CDH7: variants seen among roughly 807,000 people sequenced by gnomAD.
CDH7 encodes the protein cadherin 7.
A neutral mutation model predicts 71.8 loss-of-function variants in CDH7; 25 were observed. The ratio of observed to expected loss-of-function variants is 0.35; its 90% confidence interval spans 0.25 to 0.49. CDH7 has a LOEUF of 0.49. Among genes scored for constraint, CDH7 ranks in the 20% least tolerant of loss-of-function variants. The probability of loss-of-function intolerance (pLI) is 0.99; values close to 1 mark genes in which losing one functional copy is unlikely to be tolerated. For missense variants in CDH7, 862 were observed against 974.6 expected (o/e 0.88, Z 1.54); for synonymous variants, 381 against 363.8 (o/e 1.05, Z -0.54).
chr18:65,782,968 G>T (rs997388798), intron 2 of CDH7, among the ~76,000 whole-genome samples: 1 of 152,116 alleles, frequency 6.6e-6, no homozygotes, highest in African/African-American at 2.4e-5. Context: ...AAAACAGACT[G>T]CAAAAAGGAT....
intron 6 of CDH7, among the ~76,000 whole-genome samples, chr18:65,838,924 A>ATCC (rs1206323201): frequency 6.6e-6 from 1 of 152,216 alleles, no homozygotes. Context: ...TCTAGCAGGA[A>ATCC]ATAATGCTTC....
chr18:65,767,251 A>G lies in CDH7; in HGVS notation c.210+4199A>G, dbSNP rs1161662448. ...TTGGAAGCATTGGTGAGCATTTTCA[A>G]TGCATTTAATTATACCTCAGCAGTA... On this transcript the variant is annotated intron_variant, in intron 2 of 11. Coordinates refer to ENST00000397968, the MANE Select transcript of CDH7 (RefSeq NM_004361.5). Among the ~76,000 whole-genome samples the G allele has an allele frequency of 2.0e-5, 3 of 152,140 alleles. No homozygotes were observed. The East Asian group carries it at 5.8e-4, about 29-fold the overall frequency.
intron 6 of CDH7, among the ~76,000 whole-genome samples, chr18:65,838,997 G>C (rs1912632206): frequency 6.6e-6 from 1 of 152,136 alleles, no homozygotes; most frequent in Non-Finnish European, 1.5e-5. Flanking sequence ...GTCAGTCACT[G>C]TTCTAGGTGC....
chr18:65,761,991 A>C lies in CDH7; in HGVS notation c.-196-656A>C, dbSNP rs1916204207. ...GTAAAATAGCAAATAACCGCAATGCAATAGCATAACCTAACATGCTACACA... is the reference window on the plus strand; with the variant it reads ...GTAAAATAGCAAATAACCGCAATGCCATAGCATAACCTAACATGCTACACA... On this transcript the variant is annotated intron_variant, in intron 1 of 11. Transcript: ENST00000397968. Among the ~76,000 whole-genome samples, 4 of 152,342 alleles carry C rather than the reference A, an allele frequency of 2.6e-5. No homozygotes were observed. The South Asian group carries it at 6.2e-4, about 24-fold the overall frequency.
chr18:65,814,498 A>G lies in CDH7; in HGVS notation c.519A>G (p.Val173=). ...PEMSPVGTSV[V]QVTATDADDP... Reference sequence around the variant, plus strand: ...ATTGGCATCTAGGGACCTCAGTGGTACAAGTGACAGCGACGGATGCTGATG... The same window carrying G: ...ATTGGCATCTAGGGACCTCAGTGGTGCAAGTGACAGCGACGGATGCTGATG... The change falls in exon 4 of 12, where the codon GTA becomes GTG. Residue 173 remains valine (V), a synonymous_variant. Transcript: ENST00000397968. 6.2e-7 allele frequency: 1 copy of G among 1,614,012 alleles called. No individual in the cohort carries two copies. The highest frequency in any genetic ancestry group is 1.1e-5 in the South Asian group (1 of 91,076).
chr18:65,794,814 A>G (rs890394585), intron 2 of CDH7, among the ~76,000 whole-genome samples: 2 of 152,066 alleles, frequency 1.3e-5, no homozygotes, highest in African/African-American at 4.8e-5. Flanking sequence ...CTGTGAAATT[A>G]TTGTGTAAAC....
At chr18:65,860,814 C>T (rs1913538024) in intron 10 of CDH7, among the ~76,000 whole-genome samples, 2 of 152,036 alleles carry the variant, frequency 1.3e-5, no homozygotes, top group Non-Finnish European at 2.9e-5. Context: ...CAACCTAGGC[C>T]TCAAAAAATT....
intron 10 of CDH7, among the ~76,000 whole-genome samples, chr18:65,861,648 T>C (rs949795263): frequency 2.0e-5 from 3 of 152,238 alleles, no homozygotes; most frequent in African/African-American, 7.2e-5. Context: ...CTGTCTCTTC[T>C]ATAATTGCAT....
intron 2 of CDH7, among the ~76,000 whole-genome samples, chr18:65,792,232 G>C (rs1179570): frequency 7.6e-6 from 1 of 131,474 alleles, no homozygotes; most frequent in Non-Finnish European, 1.6e-5. Context: ...AAATAGGGAA[G>C]ACATCTTAGA....
chr18:65,839,699 T>C (rs1307826000), intron 6 of CDH7, among the ~76,000 whole-genome samples: 2 of 152,170 alleles, frequency 1.3e-5, no homozygotes, highest in Non-Finnish European at 2.9e-5. Flanking sequence ...AAGGTGATAG[T>C]CTCTAGAAGA....
Position 65,802,073 on chromosome 18 carries a change from T to G in CDH7, c.211-7631T>G, listed in dbSNP as rs368902570. Among the ~76,000 whole-genome samples, 3 of 152,306 alleles carry G rather than the reference T, an allele frequency of 2.0e-5. No individual in the cohort carries two copies. The East Asian group carries it at 5.8e-4, about 29-fold the overall frequency. On this transcript the variant is annotated intron_variant, in intron 2 of 11. Transcript: ENST00000397968. ...GTGAGTTTCTTCCAGTCATCTCTAA[T>G]GTTATGACAGGGAAGAAGTGTTAGA...
chr18:65,842,644 A>G (rs1202171346), intron 6 of CDH7, among the ~76,000 whole-genome samples: 1 of 151,798 alleles, frequency 6.6e-6, no homozygotes, highest in Non-Finnish European at 1.5e-5. Context: ...CTATTGTTTT[A>G]TTTATTTTGG....
intron 2 of CDH7, among the ~76,000 whole-genome samples, chr18:65,800,598 A>G (rs1470743171): frequency 6.6e-6 from 1 of 152,182 alleles, no homozygotes; most frequent in Non-Finnish European, 1.5e-5. Flanking sequence ...TGATGTTAGA[A>G]ACTAGAAACC....
intron 6 of CDH7, among the ~76,000 whole-genome samples, chr18:65,832,980 C>T (rs765998970): frequency 6.6e-6 from 1 of 152,070 alleles, no homozygotes; most frequent in African/African-American, 2.4e-5. Flanking sequence ...GATAACTATG[C>T]ATCCGGTATC....
At chr18:65,858,328 T>G (rs1031063014) in intron 8 of CDH7, among the ~76,000 whole-genome samples, 1 of 151,934 alleles carries the variant, frequency 6.6e-6, no homozygotes, top group African/African-American at 2.4e-5. Context: ...TGAACTAAGT[T>G]TAGTCCCTCA....
At chr18:65,832,173 A>G (rs1599037132) in intron 6 of CDH7, among the ~76,000 whole-genome samples, 2 of 150,766 alleles carry the variant, frequency 1.3e-5, no homozygotes, top group Non-Finnish European at 1.5e-5. Flanking sequence ...TCTCTATACT[A>G]TAATAAAACT....
rs891728964 is a variant in CDH7 at position 65,793,295 on chromosome 18, C to T, written c.211-16409C>T. ...AAAAAATATAAAAATTGGCTGGTTG[C>T]GGTGTCACGTGTGTGTCATTTCAGC... is the stretch of plus-strand genomic sequence containing the variant. On this transcript the variant is annotated intron_variant, in intron 2 of 11. Transcript: ENST00000397968. Among the ~76,000 whole-genome samples, 26 of 151,616 alleles carry T rather than the reference C, an allele frequency of 1.7e-4. No individual in the cohort carries two copies. The East Asian group carries it at 2.3e-3, about 14-fold the overall frequency.
chr18:65,845,527 G>T (rs965235994), intron 7 of CDH7, among the ~76,000 whole-genome samples: 1 of 152,070 alleles, frequency 6.6e-6, no homozygotes, highest in African/African-American at 2.4e-5. Context: ...ATTAATTGGG[G>T]CAAACATGAG....
At chr18:65,810,746 A>T (rs79655663) in intron 3 of CDH7, among the ~76,000 whole-genome samples, 2 of 152,096 alleles carry the variant, frequency 1.3e-5, no homozygotes, top group African/African-American at 4.8e-5. Context: ...TTGTTCCCTG[A>T]CATGTGTCCA....
Sources: gnomAD v4.1 joint callset for allele counts (sites outside exome capture counted in the v4.1 genomes callset) on GRCh38, gnomAD v4.1.1 for gene constraint, MANE v1.5 for transcripts, NCBI Gene and HGNC (gene_info 2026-07-23, HGNC 2026-07-21) for gene names.